Variants in NCKAP5 observed in about 807,000 individuals in gnomAD.
The protein encoded by NCKAP5 is nck-associated protein 5.
Under a neutral mutation model 167.0 loss-of-function variants are expected in NCKAP5, and 92 were observed. The ratio of observed to expected loss-of-function variants is 0.55; its 90% confidence interval spans 0.47 to 0.66. NCKAP5 has a LOEUF of 0.66. Among genes scored for constraint, NCKAP5 ranks in the 30% least tolerant of loss-of-function variants. NCKAP5 has a pLI of 0.00. For synonymous variants in NCKAP5, 891 were observed against 877.4 expected (o/e 1.02, Z -0.27); for missense variants, 2,378 against 2,315.0 (o/e 1.03, Z -0.56).
intron 8 of NCKAP5, among the ~76,000 whole-genome samples, chr2:132,886,843 T>C (rs1190214386): frequency 6.6e-6 from 1 of 152,182 alleles, no homozygotes; most frequent in Non-Finnish European, 1.5e-5. Context: ...ATCCAAAACT[T>C]TTTGAGAGCC....
At chr2:132,788,167 G>A (rs1355322706) in intron 13 of NCKAP5, among the ~76,000 whole-genome samples, 1 of 152,214 alleles carries the variant, frequency 6.6e-6, no homozygotes, top group Non-Finnish European at 1.5e-5. Context: ...TGGTGGGGAG[G>A]AGCTGGCATT....
intron 3 of NCKAP5, among the ~76,000 whole-genome samples, chr2:133,517,207 T>A (rs1028319209): frequency 6.6e-6 from 1 of 152,226 alleles, no homozygotes; most frequent in African/African-American, 2.4e-5. Context: ...CTACATCAGT[T>A]GTAATTAATG....
At chr2:132,870,383 G>A (rs1417017938) in intron 9 of NCKAP5, among the ~76,000 whole-genome samples, 2 of 152,124 alleles carry the variant, frequency 1.3e-5, no homozygotes, top group African/African-American at 4.8e-5. Context: ...CATTTAATGT[G>A]ATAACTGAAA....
rs76858289 is a variant in NCKAP5, at chr2:133,348,761, T to A, written c.70-45651A>T. 9.9e-3 allele frequency among the ~76,000 whole-genome samples: 1,510 copies of A among 152,282 alleles called. 26 individuals are homozygous for A. The highest frequency in any genetic ancestry group is 0.035 in the African/African-American group (1,435 of 41,562). On this transcript the variant is annotated intron_variant, in intron 3 of 19. Transcript: ENST00000409261. Reference sequence around the variant, plus strand: ...CTGATGGTTAATAAGTGAAGGACAATTCAATATCCAGTAAAGGTGATTTAT... The same window carrying A: ...CTGATGGTTAATAAGTGAAGGACAAATCAATATCCAGTAAAGGTGATTTAT...
intron 11 of NCKAP5, among the ~76,000 whole-genome samples, chr2:132,833,378 T>A (rs1182986862): frequency 2.0e-5 from 3 of 151,416 alleles, no homozygotes; most frequent in African/African-American, 7.3e-5. Flanking sequence ...CTTTATATGG[T>A]TTCTTTGTCT....
chr2:132,766,554 T>C (rs1050101262), intron 16 of NCKAP5, among the ~76,000 whole-genome samples: 4 of 152,208 alleles, frequency 2.6e-5, no homozygotes, highest in Non-Finnish European at 4.4e-5. Context: ...AGAATTCAGA[T>C]GGTTGGATCC....
chr2:133,063,143 C>T (rs1391092308), intron 6 of NCKAP5, among the ~76,000 whole-genome samples: 3 of 152,112 alleles, frequency 2.0e-5, no homozygotes, highest in Non-Finnish European at 2.9e-5. Context: ...TGAGTAACTC[C>T]AGATTAATTA....
chr2:133,109,274 G>A (rs184789264), intron 6 of NCKAP5, among the ~76,000 whole-genome samples: 30 of 152,302 alleles, frequency 2.0e-4, no homozygotes, highest in African/African-American at 5.8e-4. Flanking sequence ...CAGGTGATGC[G>A]TGCTGCAGAA....
intron 6 of NCKAP5, among the ~76,000 whole-genome samples, chr2:133,039,256 C>T (rs2079136118): frequency 6.6e-6 from 1 of 152,146 alleles, no homozygotes; most frequent in South Asian, 2.1e-4. Flanking sequence ...GCAGGTGAAA[C>T]CGATATTACT....
chr2:133,272,946 T>G (rs2089582522), intron 4 of NCKAP5, among the ~76,000 whole-genome samples: 1 of 152,240 alleles, frequency 6.6e-6, no homozygotes. Context: ...ATTTATCCAT[T>G]CATCAGTTAA....
chr2:132,904,387 T>C (rs1162816655), intron 8 of NCKAP5, among the ~76,000 whole-genome samples: 1 of 151,680 alleles, frequency 6.6e-6, no homozygotes, highest in Non-Finnish European at 1.5e-5. Flanking sequence ...ATATATTCGA[T>C]AACATAATGC....
intron 5 of NCKAP5, among the ~76,000 whole-genome samples, chr2:133,151,366 C>T (rs1360119952): frequency 6.6e-6 from 1 of 151,930 alleles, no homozygotes; most frequent in Non-Finnish European, 1.5e-5. Flanking sequence ...AAAGACAAGC[C>T]ACAGACTGGA....
chr2:132,884,777 T>C (rs1692079610), intron 8 of NCKAP5, among the ~76,000 whole-genome samples: 1 of 152,178 alleles, frequency 6.6e-6, no homozygotes, highest in South Asian at 2.1e-4. Context: ...TTACTTTAAA[T>C]GTCTTGGAAA....
At chr2:132,764,712 C>T (rs1191080071) in intron 16 of NCKAP5, among the ~76,000 whole-genome samples, 1 of 152,202 alleles carries the variant, frequency 6.6e-6, no homozygotes, top group Non-Finnish European at 1.5e-5. Context: ...ATTTGCACTT[C>T]CCACCCACAT....
At chr2:133,661,536 A>G in the NCKAP5 span, among the ~76,000 whole-genome samples, 1 of 152,252 alleles carries the variant, frequency 6.6e-6, no homozygotes, top group South Asian at 2.1e-4. Flanking sequence ...CAACAGCTAC[A>G]TCCTTCAGAT....
At chr2:133,135,957 TTAAAGA>T (rs1574141644) in intron 5 of NCKAP5, among the ~76,000 whole-genome samples, 1 of 152,188 alleles carries the variant, frequency 6.6e-6, no homozygotes, top group East Asian at 1.9e-4. Flanking sequence ...CCATTACATA[TTAAAGA>T]TAATCATAGA....
chr2:133,042,854 T>G (rs1426294454), intron 6 of NCKAP5, among the ~76,000 whole-genome samples: 1 of 152,202 alleles, frequency 6.6e-6, no homozygotes, highest in Non-Finnish European at 1.5e-5. Context: ...CTTGTGTCAT[T>G]GCTCTTTTGT....
At chr2:133,595,057 G>T in the NCKAP5 span, among the ~76,000 whole-genome samples, 1 of 152,154 alleles carries the variant, frequency 6.6e-6, no homozygotes, top group African/African-American at 2.4e-5. Flanking sequence ...TTCCCAGGGG[G>T]CACTTAACAC....
At chr2:132,716,684 G>T (rs1021911266) in intron 19 of NCKAP5, among the ~76,000 whole-genome samples, 3 of 152,068 alleles carry the variant, frequency 2.0e-5, no homozygotes, top group Non-Finnish European at 2.9e-5. Flanking sequence ...AGGGTCCCCA[G>T]GCTTGGTCTC....
Sources: gnomAD v4.1 joint callset for allele counts (sites outside exome capture counted in the v4.1 genomes callset) on GRCh38, gnomAD v4.1.1 for gene constraint, MANE v1.5 for transcripts, NCBI Gene and HGNC (gene_info 2026-07-23, HGNC 2026-07-21) for gene names.